OSBP: variants seen among roughly 807,000 people sequenced by gnomAD.
OSBP encodes oxysterol-binding protein 1.
Under a neutral mutation model 96.6 loss-of-function variants are expected in OSBP, and 32 were observed. The ratio of observed to expected loss-of-function variants is 0.33; its 90% confidence interval spans 0.25 to 0.45. OSBP has a LOEUF of 0.45. OSBP is among the 20% of genes least tolerant of loss of function. The probability of loss-of-function intolerance (pLI) is 1.00; values close to 1 mark genes in which losing one functional copy is unlikely to be tolerated. For missense variants in OSBP, 653 were observed against 1,029.7 expected (o/e 0.63, Z 5.01); for synonymous variants, 369 against 389.6 (o/e 0.95, Z 0.62).
rs1590664816 is a variant in OSBP, at chr11:59,575,567, G to A, written c.*1010C>T. ...TATTTAACACATTATTCCAGAGGTG[G>A]CTCCAGTCCTTGGGGCTTGAGAGAT... is the stretch of plus-strand genomic sequence containing the variant. On this transcript the variant is annotated 3_prime_UTR_variant, in exon 14 of 14. Transcript: ENST00000263847. The A allele has an allele frequency of 6.6e-6, 1 of 152,588 alleles. No homozygotes were observed. The highest frequency in any genetic ancestry group is 6.5e-5 in the Admixed American group (1 of 15,272). 9.5% of individuals were successfully genotyped at this position (152,588 alleles called of 1,614,324 possible). A position where few individuals can be genotyped will look rare whatever the true frequency, so the allele number is the denominator to read the frequency against.
intron 4 of OSBP, 40 bp from the exon 5 acceptor site, chr11:59,601,425 T>G (rs1565119433): frequency 1.4e-6 from 2 of 1,432,734 alleles, no homozygotes; most frequent in Admixed American, 3.4e-5. Flanking sequence ...TTTGGTTATC[T>G]TTACCAAATG....
chr11:59,599,023 G>A (rs1313712053), intron 7 of OSBP, among the ~76,000 whole-genome samples: 1 of 152,240 alleles, frequency 6.6e-6, no homozygotes, highest in Admixed American at 6.5e-5. Flanking sequence ...AGAGCCCCAG[G>A]ACAGAAAGAA....
intron 3 of OSBP, 87 bp downstream of exon 3, chr11:59,608,397 T>C: frequency 2.6e-6 from 4 of 1,523,060 alleles, no homozygotes; most frequent in Non-Finnish European, 3.6e-6. Context: ...CTGTGCTTTA[T>C]CAATTACAAT....
intron 7 of OSBP, among the ~76,000 whole-genome samples, chr11:59,597,577 T>C (rs1195552359): frequency 6.6e-6 from 1 of 152,074 alleles, no homozygotes; most frequent in Non-Finnish European, 1.5e-5. Context: ...GGTCTTGCTC[T>C]CACCCAGGCT....
In OSBP at chr11:59,608,709, G is replaced by A. The variant is rs375100762; in HGVS notation, c.597C>T (p.Val199=). 4 of 1,613,944 alleles carry A rather than the reference G, an allele frequency of 2.5e-6. No individual in the cohort carries two copies. The highest frequency in any genetic ancestry group is 3.4e-6 in the Non-Finnish European group (4 of 1,179,810). Residue 199 remains valine (V), a synonymous_variant, in exon 3 of 14, where the codon GTC becomes GTT. Coordinates refer to ENST00000263847, the MANE Select transcript of OSBP (RefSeq NM_002556.3). ...ESDESGDEES[V]SQTDKTELQN... ...GCAGCTCAGTCTTGTCAGTTTGTGA[G>A]ACAGACTCTTCATCTCCTGATTCAT...
rs555446377 is a variant in OSBP at position 59,603,146 on chromosome 11, A to T, written c.823-1308T>A. Among the ~76,000 whole-genome samples, 7 of 152,372 alleles carry T rather than the reference A, an allele frequency of 4.6e-5. 1 individual carries two copies. In the East Asian group the frequency reaches 1.3e-3, roughly 29 times the overall value. On this transcript the variant is annotated intron_variant, in intron 3 of 13. Coordinates refer to ENST00000263847, the MANE Select transcript of OSBP (RefSeq NM_002556.3). ...TTCTATTTTACACATGCACAGCAGTATCGTGACTGATTTTCTATCTCTCCA... is the reference window on the plus strand; with the variant it reads ...TTCTATTTTACACATGCACAGCAGTTTCGTGACTGATTTTCTATCTCTCCA...
At position 59,610,547 on chromosome 11, in the gene OSBP, G is replaced by A. The variant is rs1196317091; in HGVS notation, c.405C>T (p.Asn135=). 2 of 1,614,044 alleles carry A rather than the reference G, an allele frequency of 1.2e-6. No individual in the cohort carries two copies. Among genetic ancestry groups the A allele is most frequent in the Admixed American group, 3.3e-5 (2 of 60,010 alleles). ...EMRHTCRGTI[N]LATANITVED... is the part of the protein sequence containing the mutation. ...CCACGGTGATGTTGGCTGTGGCGAG[G>A]TTGATGGTACCACGGCAGGTATGTC... The change falls in exon 2 of 14, where the codon AAC becomes AAT. Residue 135 remains asparagine, a synonymous_variant. Transcript: ENST00000263847.
Position 59,587,433 on chromosome 11 carries a change from T to C in OSBP, c.1679-5879A>G, listed in dbSNP as rs369067218. On this transcript the variant is annotated intron_variant, in intron 9 of 13. Transcript: ENST00000263847. ...AGGAGAATCACCTGAACCCAAGAGG[T>C]GGAGGTTGCAGTGAGCCAAGACTGC... is the stretch of plus-strand genomic sequence containing the variant. Among the ~76,000 whole-genome samples the C allele has an allele frequency of 5.7e-3, 857 of 150,086 alleles. 4 individuals are homozygous for C. Among genetic ancestry groups the C allele is most frequent in the African/African-American group, 0.019 (773 of 40,662 alleles).
intron 7 of OSBP, among the ~76,000 whole-genome samples, chr11:59,598,498 A>G (rs1282580152): frequency 6.6e-6 from 1 of 152,216 alleles, no homozygotes; most frequent in Non-Finnish European, 1.5e-5. Flanking sequence ...AGAAGTCTTC[A>G]TTTCTAGCCT....
intron 7 of OSBP, 130 bp from the exon 8 acceptor site, chr11:59,594,385 T>C (rs2134664071): frequency 1.2e-6 from 1 of 812,302 alleles, no homozygotes. Context: ...CTCTAATATT[T>C]AACCCGCAAA....
intron 3 of OSBP, among the ~76,000 whole-genome samples, chr11:59,603,197 A>G (rs1860742448): frequency 6.6e-6 from 1 of 152,218 alleles, no homozygotes; most frequent in South Asian, 2.1e-4. Flanking sequence ...ATTTAAAAAC[A>G]CATTTTTGAG....
rs374848551 is a variant in OSBP, at chr11:59,587,177, C to CA, written c.1679-5624dup. The stretch of plus-strand genomic sequence containing the variant: ...ACGGAGAACTCCTAAAATTCAACAA[C>CA]AAAAAAAAGCTAAAGAACTCAAGTC... On this transcript the variant is annotated intron_variant, in intron 9 of 13. Coordinates refer to ENST00000263847, the MANE Select transcript of OSBP (RefSeq NM_002556.3). Among the ~76,000 whole-genome samples the CA allele has an allele frequency of 2.0e-3, 298 of 151,680 alleles. 2 individuals are homozygous for CA. The highest frequency in any genetic ancestry group is 6.3e-3 in the African/African-American group (262 of 41,402).
intron 8 of OSBP, 68 bp downstream of exon 8, chr11:59,593,942 G>C: frequency 6.3e-7 from 1 of 1,578,880 alleles, no homozygotes; most frequent in Non-Finnish European, 8.6e-7. Flanking sequence ...ATAAGACCCA[G>C]GGGATTAACC....
rs73486920 is a variant in OSBP at position 59,610,725 on chromosome 11, C to T, written c.363-136G>A. ...AATCAGCAAGTTCTAGTCCCTCAAA[C>T]GGGTCCCTAAAATTCACGAAACAAT... On this transcript the variant is annotated intron_variant, in intron 1 of 13. Coordinates refer to ENST00000263847, the MANE Select transcript of OSBP (RefSeq NM_002556.3). The T allele has an allele frequency of 4.0e-3, 2,725 of 680,634 alleles. 56 individuals are homozygous for T. In the African/African-American group the frequency reaches 0.042, roughly 10 times the overall value. The allele number at this position is 680,634 out of a possible 1,614,324, so 42.2% of individuals were successfully genotyped here. A position where few individuals can be genotyped will look rare whatever the true frequency, so the allele number is the denominator to read the frequency against.
chr11:59,593,750 G>C, intron 8 of OSBP, 26 bp from the exon 9 acceptor site: 1 of 1,613,320 alleles, frequency 6.2e-7, no homozygotes, highest in Non-Finnish European at 8.5e-7. Context: ...TTCAAATTAA[G>C]ACGGCAGAAA....
chr11:59,602,137 G>C (rs1236623895), intron 3 of OSBP, among the ~76,000 whole-genome samples: 1 of 152,178 alleles, frequency 6.6e-6, no homozygotes, highest in African/African-American at 2.4e-5. Context: ...ACATCAAAAA[G>C]AGCAGGTATG....
intron 1 of OSBP, among the ~76,000 whole-genome samples, chr11:59,613,268 T>C (rs1173085702): frequency 6.6e-6 from 1 of 152,220 alleles, no homozygotes; most frequent in Admixed American, 6.5e-5. Flanking sequence ...TATTTCCCAA[T>C]ATGTGGTTTG....
chr11:59,611,088 T>C lies in OSBP; in HGVS notation c.363-499A>G, dbSNP rs145905102. 7.1e-3 allele frequency among the ~76,000 whole-genome samples: 957 copies of C among 134,780 alleles called. 7 individuals carry two copies. The highest frequency in any genetic ancestry group is 0.026 in the African/African-American group (912 of 34,434). 88.4% of individuals were successfully genotyped at this position (134,780 alleles called of 152,430 possible). A position where few individuals can be genotyped will look rare whatever the true frequency, so the allele number is the denominator to read the frequency against. ...AGGCGGAGTTTGCAGTGAGCTGAGA[T>C]CCCACTATTGCACTCCAGCTTGGGC... is the stretch of plus-strand genomic sequence containing the variant. On this transcript the variant is annotated intron_variant, in intron 1 of 13. Transcript: ENST00000263847.
chr11:59,600,787 C>G (rs766212087), intron 6 of OSBP, 32 bp downstream of exon 6: 1 of 1,602,738 alleles, frequency 6.2e-7, no homozygotes, highest in South Asian at 1.1e-5. Flanking sequence ...ACCCACGTCC[C>G]TCACCTCTGA....
Sources: gnomAD v4.1 joint callset for allele counts (sites outside exome capture counted in the v4.1 genomes callset) on GRCh38, gnomAD v4.1.1 for gene constraint, MANE v1.5 for transcripts, NCBI Gene and HGNC (gene_info 2026-07-23, HGNC 2026-07-21) for gene names.